Variants in RNF19B observed in about 807,000 individuals in gnomAD.
The protein encoded by RNF19B is E3 ubiquitin-protein ligase RNF19B.
Under a neutral mutation model 65.5 loss-of-function variants are expected in RNF19B, and 23 were observed. The ratio of observed to expected loss-of-function variants is 0.35; its 90% CI spans 0.25 to 0.50. The LOEUF is 0.50. RNF19B is among the 20% of genes least tolerant of loss of function. RNF19B has a pLI of 0.98. For missense variants in RNF19B, 794 were observed against 980.0 expected (o/e 0.81, Z 2.53); for synonymous variants, 372 against 379.6 (o/e 0.98, Z 0.23).
the RNF19B span, among the ~76,000 whole-genome samples, chr1:32,929,116 C>T: frequency 1.3e-5 from 2 of 152,118 alleles, no homozygotes; most frequent in African/African-American, 4.8e-5. Flanking sequence ...GTTCCTTCCG[C>T]GGGCTGTGGG....
chr1:32,945,017 C>A (rs1485511677), intron 5 of RNF19B, among the ~76,000 whole-genome samples: 1 of 152,086 alleles, frequency 6.6e-6, no homozygotes, highest in African/African-American at 2.4e-5. Context: ...TAAAATTGTG[C>A]TTCCTTTTGT....
At chr1:32,961,937 GT>G (rs1223463391) in intron 1 of RNF19B, among the ~76,000 whole-genome samples, 1 of 151,416 alleles carries the variant, frequency 6.6e-6, no homozygotes, top group Non-Finnish European at 1.5e-5. Context: ...TCAGAAAGGA[GT>G]TAATGTACTA....
chr1:32,953,218 C>G (rs573884658), intron 1 of RNF19B, among the ~76,000 whole-genome samples: 1 of 151,932 alleles, frequency 6.6e-6, no homozygotes, highest in Admixed American at 6.6e-5. Context: ...AAGCAACCCT[C>G]CCGCCTTAGC....
downstream of RNF19B, among the ~76,000 whole-genome samples, chr1:32,935,190 G>C (rs191701196): frequency 1.2e-3 from 188 of 150,638 alleles, 1 homozygote; most frequent in African/African-American, 3.6e-3. Flanking sequence ...CCAGGCTGCA[G>C]TGCAGTGGGT....
intron 1 of RNF19B, among the ~76,000 whole-genome samples, chr1:32,959,746 A>G (rs1176980413): frequency 6.6e-6 from 1 of 152,104 alleles, no homozygotes; most frequent in Non-Finnish European, 1.5e-5. Flanking sequence ...TATATTAAAT[A>G]ATAATGTGAG....
chr1:32,964,799 C>G lies in RNF19B; in HGVS notation c.-114G>C. ...CGCCGCCACCACCGCCTCAACCGCC[C>G]TCCCGGCGATAGAAGCCGAGCGGCA... On this transcript the variant is annotated 5_prime_UTR_variant, in exon 1 of 9. Coordinates refer to ENST00000235150, the MANE Select transcript of RNF19B (RefSeq NM_001300826.2). This position sits in a 1 kb window ranked among gnomAD's most constrained non-coding sequence, Gnocchi z 6.5. 1 of 1,047,030 alleles carries G rather than the reference C, an allele frequency of 9.6e-7. No homozygotes were observed. The highest frequency in any genetic ancestry group is 1.2e-6 in the Non-Finnish European group (1 of 804,342). 64.9% of individuals were successfully genotyped at this position (1,047,030 alleles called of 1,614,324 possible). A position where few individuals can be genotyped will look rare whatever the true frequency, so the allele number is the denominator to read the frequency against.
At chr1:32,952,322 G>C (rs564366235) in intron 1 of RNF19B, among the ~76,000 whole-genome samples, 3 of 150,314 alleles carry the variant, frequency 2.0e-5, no homozygotes, top group Admixed American at 6.6e-5. Context: ...AGCCAGGTGA[G>C]ATGGCTCATG....
At position 32,964,440 on chromosome 1, in the gene RNF19B, G is replaced by A; in HGVS notation, c.246C>T (p.Ala82=). The A allele has an allele frequency of 9.0e-7, 1 of 1,113,858 alleles. No individual in the cohort carries two copies. The highest frequency in any genetic ancestry group is 1.1e-6 in the Non-Finnish European group (1 of 913,990). The allele number at this position is 1,113,858 out of a possible 1,614,324, so 69.0% of individuals were successfully genotyped here. A position where few individuals can be genotyped will look rare whatever the true frequency, so the allele number is the denominator to read the frequency against. Residue 82 remains alanine (A), a synonymous_variant, in exon 1 of 9, where the codon GCC becomes GCT. Transcript: ENST00000235150. The surrounding 1 kb of genome is among the most constrained non-coding windows in gnomAD (Gnocchi z 6.5). ...CCGCCTCGGCCTCGGCGGCCGGCTC[G>A]GCGGGCAGCGCCTCGGGCGGCGGGC... ...AQGPPPEALP[A]EPAAEAEAEA... is the part of the protein sequence containing the mutation.
chr1:32,932,507 T>C (rs375585697), downstream of RNF19B, among the ~76,000 whole-genome samples: 154 of 152,292 alleles, frequency 1.0e-3, 1 homozygote, highest in African/African-American at 2.9e-3. Flanking sequence ...ATCTAAGACA[T>C]GAAGTTTTTA....
At position 32,936,784 on chromosome 1, in the gene RNF19B, G is replaced by A. The variant is rs748568922; in HGVS notation, c.*22C>T. On this transcript the variant is annotated 3_prime_UTR_variant, in exon 9 of 9. Transcript: ENST00000235150. ...GATGCAGTTACAAGTGTGCTTCTCAGAACAGGAGCATTCATTCCACTTCAT... is the reference window on the plus strand; with the variant it reads ...GATGCAGTTACAAGTGTGCTTCTCAAAACAGGAGCATTCATTCCACTTCAT... 1 of 1,516,942 alleles carries A rather than the reference G, an allele frequency of 6.6e-7. No individual in the cohort carries two copies. The highest frequency in any genetic ancestry group is 8.8e-7 in the Non-Finnish European group (1 of 1,131,844). The allele number at this position is 1,516,942 out of a possible 1,614,324, so 94.0% of individuals were successfully genotyped here.
At chr1:32,944,627 G>A (rs573308632) in intron 5 of RNF19B, among the ~76,000 whole-genome samples, 1 of 152,138 alleles carries the variant, frequency 6.6e-6, no homozygotes, top group South Asian at 2.1e-4. Flanking sequence ...AAGAGAACAG[G>A]ATCTGAAGGC....
At chr1:32,961,427 G>C (rs1006869977) in intron 1 of RNF19B, among the ~76,000 whole-genome samples, 1 of 152,152 alleles carries the variant, frequency 6.6e-6, no homozygotes, top group Non-Finnish European at 1.5e-5. Flanking sequence ...TCTAAGCCTG[G>C]TTCCACCACT....
At chr1:32,934,452 G>A (rs756251436), downstream of RNF19B, among the ~76,000 whole-genome samples, 2 of 152,112 alleles carry the variant, frequency 1.3e-5, no homozygotes, top group African/African-American at 4.8e-5. Context: ...AGGCTGAGGT[G>A]GGGGGAATCA....
chr1:32,963,711 C>T (rs1158291173), intron 1 of RNF19B, among the ~76,000 whole-genome samples: 2 of 150,204 alleles, frequency 1.3e-5, no homozygotes, highest in Non-Finnish European at 1.5e-5. Flanking sequence ...GGGCGAGACT[C>T]CGTCTCCAAA....
At chr1:32,963,540 A>C (rs895684822) in intron 1 of RNF19B, among the ~76,000 whole-genome samples, 1 of 151,682 alleles carries the variant, frequency 6.6e-6, no homozygotes, top group African/African-American at 2.4e-5. Flanking sequence ...ACATGGTGAA[A>C]CCCCATCTCT....
intron 1 of RNF19B, among the ~76,000 whole-genome samples, chr1:32,963,357 G>GC (rs1162956045): frequency 2.6e-5 from 4 of 152,038 alleles, no homozygotes; most frequent in African/African-American, 9.7e-5. Flanking sequence ...CCGACGCGCT[G>GC]CCCCCTCAGA....
At chr1:32,959,346 T>C (rs1179591755) in intron 1 of RNF19B, among the ~76,000 whole-genome samples, 3 of 152,230 alleles carry the variant, frequency 2.0e-5, no homozygotes. Context: ...TTCTGTTGCC[T>C]ACTTTGCTCA....
chr1:32,948,900 G>A (rs1179919450), intron 2 of RNF19B, among the ~76,000 whole-genome samples: 1 of 152,076 alleles, frequency 6.6e-6, no homozygotes, highest in East Asian at 1.9e-4. Flanking sequence ...CATATACTTG[G>A]TAATTTTCAG....
chr1:32,936,694 A>G lies in RNF19B; in HGVS notation c.*112T>C. 1 of 1,037,732 alleles carries G rather than the reference A, an allele frequency of 9.6e-7. No individual in the cohort carries two copies. Among genetic ancestry groups the G allele is most frequent in the Non-Finnish European group, 1.3e-6 (1 of 766,836 alleles). 64.3% of individuals were successfully genotyped at this position (1,037,732 alleles called of 1,614,324 possible). A position where few individuals can be genotyped will look rare whatever the true frequency, so the allele number is the denominator to read the frequency against. ...TCCCTGGGCAAAAACCTGTGACCAGAGAATCTGTGAAATAAAATACATAAA... is the reference window on the plus strand; with the variant it reads ...TCCCTGGGCAAAAACCTGTGACCAGGGAATCTGTGAAATAAAATACATAAA... On this transcript the variant is annotated 3_prime_UTR_variant, in exon 9 of 9. Coordinates refer to ENST00000235150, the MANE Select transcript of RNF19B (RefSeq NM_001300826.2).
Sources: allele counts gnomAD v4.1 joint callset (sites outside exome capture counted in the v4.1 genomes callset), GRCh38; gene constraint gnomAD v4.1.1; non-coding constraint Gnocchi (gnomAD v3.1); transcripts MANE v1.5; gene names NCBI Gene and HGNC (gene_info 2026-07-23, HGNC 2026-07-21).